The following PVT1 variants were observed in gnomAD, a reference collection of about 807,000 sequenced individuals.
The protein encoded by PVT1 is CXCR4/PVT1 fusion.
intron 2 of PVT1, among the ~76,000 whole-genome samples, chr8:127,834,835 A>G (rs1305769097): frequency 6.6e-6 from 1 of 152,210 alleles, no homozygotes; most frequent in Non-Finnish European, 1.5e-5. Flanking sequence ...TGAAAAACAG[A>G]AAACAAAAAA....
chr8:128,084,705 T>A (rs527738568), intron 5 of PVT1, among the ~76,000 whole-genome samples: 5 of 152,206 alleles, frequency 3.3e-5, no homozygotes, highest in Non-Finnish European at 5.9e-5. Context: ...AAGCCTGATG[T>A]TTCTTATGAG....
At chr8:127,978,535 C>A (rs1044705542) in intron 3 of PVT1, among the ~76,000 whole-genome samples, 1 of 151,380 alleles carries the variant, frequency 6.6e-6, no homozygotes, top group Non-Finnish European at 1.5e-5. Flanking sequence ...GGCTGGAGTG[C>A]AGAGGCGGCA....
chr8:127,823,999 C>T (rs1391663655), intron 2 of PVT1, among the ~76,000 whole-genome samples: 2 of 152,060 alleles, frequency 1.3e-5, no homozygotes, highest in African/African-American at 4.8e-5. Context: ...TCAACACTAA[C>T]CTGGGCAACA....
intron 3 of PVT1, among the ~76,000 whole-genome samples, chr8:127,954,130 G>A (rs902362113): frequency 2.0e-5 from 3 of 152,024 alleles, no homozygotes; most frequent in South Asian, 2.1e-4. Context: ...GTTGACCTCC[G>A]TTACTCTTAA....
intron 3 of PVT1, among the ~76,000 whole-genome samples, chr8:127,957,556 G>A (rs1816584904): frequency 8.2e-6 from 1 of 122,106 alleles, no homozygotes; most frequent in Admixed American, 1.0e-4. Flanking sequence ...GACAGAGCGA[G>A]ACTCCGTCTC....
At chr8:128,017,158 T>A (rs16902552) in intron 4 of PVT1, among the ~76,000 whole-genome samples, 1 of 152,188 alleles carries the variant, frequency 6.6e-6, no homozygotes, top group South Asian at 2.1e-4. Context: ...TGGGCAGCTA[T>A]AGAAATCCAG....
At chr8:127,849,945 CATAT>C (rs149870930) in intron 2 of PVT1, among the ~76,000 whole-genome samples, 30 of 70,522 alleles carry the variant, frequency 4.3e-4, no homozygotes, top group Non-Finnish European at 7.8e-4. Flanking sequence ...ACAGCCTGTA[CATAT>C]GTGTGTGTGT....
Position 127,939,188 on chromosome 8 carries a change from C to T in PVT1, n.782+48190C>T, listed in dbSNP as rs1816314058. ...CTTCTCCCCTATCCTCACCTGCCTT[C>T]TCACTTGACCAACATATTTTAAGGG... is the stretch of plus-strand genomic sequence containing the variant. On this transcript the variant is annotated intron_variant and non_coding_transcript_variant, in intron 3 of 10. Coordinates refer to ENST00000651587, the Ensembl canonical transcript of PVT1. 2.0e-5 allele frequency among the ~76,000 whole-genome samples: 3 copies of T among 152,208 alleles called. No individual in the cohort carries two copies. In the South Asian group the frequency reaches 6.2e-4, roughly 32 times the overall value.
intron 2 of PVT1, among the ~76,000 whole-genome samples, chr8:127,829,384 G>T (rs966647491): frequency 2.0e-5 from 3 of 152,146 alleles, no homozygotes; most frequent in Admixed American, 1.3e-4. Context: ...TGGTTTTAAG[G>T]CCCCAGTGCC....
chr8:127,984,915 TTCTTTCTCTTTCTC>T lies in PVT1; in HGVS notation n.783-4245_783-4232del, dbSNP rs1816940355. Among the ~76,000 whole-genome samples, 39 of 57,438 alleles carry T rather than the reference TTCTTTCTCTTTCTC, an allele frequency of 6.8e-4. 3 individuals are homozygous for T. Among genetic ancestry groups the T allele is most frequent in the Non-Finnish European group, 1.5e-3 (37 of 25,128 alleles). The allele number at this position is 57,438 out of a possible 152,430, so 37.7% of individuals were successfully genotyped here. A position where few individuals can be genotyped will look rare whatever the true frequency, so the allele number is the denominator to read the frequency against. ...TTTCTTTCTTTCTTTCTTTCTTTCT[TTCTTTCTCTTTCTC>T]TTTCTTTCTTTCTTTCCCCTTCCTT... On this transcript the variant is annotated intron_variant and non_coding_transcript_variant, in intron 3 of 10. Coordinates refer to ENST00000651587, the Ensembl canonical transcript of PVT1.
At chr8:127,855,607 C>T (rs1306237979) in intron 2 of PVT1, among the ~76,000 whole-genome samples, 1 of 152,198 alleles carries the variant, frequency 6.6e-6, no homozygotes, top group African/African-American at 2.4e-5. Flanking sequence ...AATCTGCATT[C>T]ATAACACACT....
chr8:128,080,528 A>T (rs1216587154), intron 5 of PVT1, among the ~76,000 whole-genome samples: 1 of 152,184 alleles, frequency 6.6e-6, no homozygotes, highest in African/African-American at 2.4e-5. Flanking sequence ...ATGCCTGCTC[A>T]GTTCTTTTGC....
At chr8:127,888,069 T>C (rs963770373) in intron 2 of PVT1, among the ~76,000 whole-genome samples, 19 of 149,150 alleles carry the variant, frequency 1.3e-4, no homozygotes, top group African/African-American at 4.7e-4. Flanking sequence ...GCCTCCTGAG[T>C]AGCTGTGATT....
At chr8:127,841,145 C>T (rs1055574030) in intron 2 of PVT1, among the ~76,000 whole-genome samples, 3 of 152,204 alleles carry the variant, frequency 2.0e-5, no homozygotes, top group Non-Finnish European at 4.4e-5. Flanking sequence ...AGGCAAGAAG[C>T]GCTTGGCATG....
intron 4 of PVT1, among the ~76,000 whole-genome samples, chr8:128,045,548 G>A (rs1314773008): frequency 6.6e-6 from 1 of 152,164 alleles, no homozygotes; most frequent in Non-Finnish European, 1.5e-5. Context: ...CTGTCTGCAC[G>A]CAACCCAATG....
intron 4 of PVT1, among the ~76,000 whole-genome samples, chr8:128,057,914 C>T (rs1197907133): frequency 3.3e-5 from 5 of 152,182 alleles, no homozygotes; most frequent in Admixed American, 2.6e-4. Context: ...AATCCAAACA[C>T]TAGTCTTACC....
At chr8:128,028,007 C>T (rs1389997575) in intron 4 of PVT1, among the ~76,000 whole-genome samples, 1 of 152,240 alleles carries the variant, frequency 6.6e-6, no homozygotes, top group Non-Finnish European at 1.5e-5. Context: ...CCTTGCATCT[C>T]TCCCCAGTCC....
intron 3 of PVT1, among the ~76,000 whole-genome samples, chr8:127,978,997 G>A (rs13270304): frequency 0.41 from 62,242 of 152,040 alleles, 13,876 homozygotes; most frequent in African/African-American, 0.59. Context: ...CCGCCTTGGC[G>A]GTTGCCATTT....
At chr8:127,876,989 G>A (rs1563628021) in intron 2 of PVT1, among the ~76,000 whole-genome samples, 3 of 152,194 alleles carry the variant, frequency 2.0e-5, no homozygotes, top group South Asian at 2.1e-4. Context: ...TGACCTCCCC[G>A]GAAGCCCAGC....
Sources: allele counts gnomAD v4.1 joint callset (sites outside exome capture counted in the v4.1 genomes callset), GRCh38; gene constraint gnomAD v4.1.1; transcripts MANE v1.5; gene names NCBI Gene and HGNC (gene_info 2026-07-23, HGNC 2026-07-21).